IGSF6: variants seen among roughly 807,000 people sequenced by gnomAD.
The protein encoded by IGSF6 is immunoglobulin superfamily member 6, also known as down-regulated by activation (immunoglobulin superfamily).
IGSF6 carries 23 observed loss-of-function variants against 24.7 expected under a neutral mutation model. The ratio of observed to expected loss-of-function variants is 0.93; its 90% confidence interval spans 0.67 to 1.32. The LOEUF is 1.32. IGSF6 is among the 40% of genes most tolerant of loss of function. The pLI, the probability that IGSF6 is intolerant of heterozygous loss-of-function variation, is 0.00. For synonymous variants in IGSF6, 110 were observed against 113.7 expected (o/e 0.97, Z 0.21); for missense variants, 295 against 293.6 (o/e 1.00, Z -0.04).
rs767963050 is a variant in IGSF6, at chr16:21,647,393, G to A, written c.167C>T (p.Thr56Ile). The change falls in exon 2 of 6, where the codon ACC (threonine) becomes ATC (isoleucine). Residue 56 changes from threonine (T) to isoleucine (I), a missense_variant. By Grantham distance (89) the Thr-to-Ile change is moderately conservative (BLOSUM62 -1). Transcript: ENST00000268389. ...AVTIKCTFSA[T>I]GCPSEQPTCL... ...TGTTGGTTGCTCAGAAGGGCATCCGGTTGCGGAGAAGGTACACTTTATGGT... is the reference window on the plus strand; with the variant it reads ...TGTTGGTTGCTCAGAAGGGCATCCGATTGCGGAGAAGGTACACTTTATGGT... 21 of 1,614,000 alleles carry A rather than the reference G, an allele frequency of 1.3e-5. No homozygotes were observed. The highest frequency in any genetic ancestry group is 1.7e-5 in the Non-Finnish European group (20 of 1,180,028).
At position 21,643,171 on chromosome 16, in the gene IGSF6, GA is replaced by G. The variant is rs760770473; in HGVS notation, c.586-18del. On this transcript the variant is annotated intron_variant, in intron 4 of 5. Coordinates refer to ENST00000268389, the MANE Select transcript of IGSF6 (RefSeq NM_005849.4). Reference sequence around the variant, plus strand: ...ACTCTTCTTCTATAAAGACAAATGAGAAAAAAAAATTCTCTTTTGGGAATAT... The same window carrying G: ...ACTCTTCTTCTATAAAGACAAATGAGAAAAAAAATTCTCTTTTGGGAATAT... 79 of 1,563,608 alleles carry G rather than the reference GA, an allele frequency of 5.1e-5. No individual in the cohort carries two copies. The highest frequency in any genetic ancestry group is 1.7e-4 in the Middle Eastern group (1 of 5,960).
rs1966239839 is a variant in IGSF6, at chr16:21,640,769, A to G, written c.*765T>C. 6.7e-6 allele frequency: 1 copy of G among 149,526 alleles called. No individual in the cohort carries two copies. The highest frequency in any genetic ancestry group is 6.7e-5 in the Admixed American group (1 of 15,026). 9.3% of individuals were successfully genotyped at this position (149,526 alleles called of 1,614,324 possible). A position where few individuals can be genotyped will look rare whatever the true frequency, so the allele number is the denominator to read the frequency against. ...GCAACAGAACGAGACTCTGTCTCAAAAAAAAAAAAAAAAGAAAAGAAAAAA... is the reference window on the plus strand; with the variant it reads ...GCAACAGAACGAGACTCTGTCTCAAGAAAAAAAAAAAAAGAAAAGAAAAAA... On this transcript the variant is annotated 3_prime_UTR_variant, in exon 6 of 6. Transcript: ENST00000268389.
At chr16:21,645,842 A>C (rs898340356) in intron 2 of IGSF6, among the ~76,000 whole-genome samples, 1 of 152,260 alleles carries the variant, frequency 6.6e-6, no homozygotes, top group Non-Finnish European at 1.5e-5. Flanking sequence ...ACTATTAAAA[A>C]TGCTTTAAGT....
In IGSF6 at chr16:21,642,134, CA is replaced by C. The variant is rs759756217; in HGVS notation, c.667-542del. On this transcript the variant is annotated intron_variant, in intron 5 of 5. Transcript: ENST00000268389. The stretch of plus-strand genomic sequence containing the variant: ...ATGGCCCCTGGGCAAGGATGACACA[CA>C]AGTTCGTGAAGCGTTCCATATTTTT... 6.6e-5 allele frequency: 10 copies of C among 152,260 alleles called. No individual in the cohort carries two copies. In the South Asian group the frequency reaches 1.0e-3, roughly 16 times the overall value. The allele number at this position is 152,260 out of a possible 1,614,324, so 9.4% of individuals were successfully genotyped here.
rs1316134222 is a variant in IGSF6 at position 21,652,399 on chromosome 16, TA to T, written c.67+132del. On this transcript the variant is annotated intron_variant, in intron 1 of 5. Transcript: ENST00000268389. ...TATTTCTCAGGGGAAAAAGGAAACT[TA>T]TCCTCTTAGGCAGTTTTCATAATGT... 4 of 583,326 alleles carry T rather than the reference TA, an allele frequency of 6.9e-6. No homozygotes were observed. The African/African-American group carries it at 7.7e-5, about 11-fold the overall frequency. 36.1% of individuals were successfully genotyped at this position (583,326 alleles called of 1,614,324 possible).
Position 21,652,428 on chromosome 16 carries a change from T to C in IGSF6, c.67+104A>G, listed in dbSNP as rs1001735121. On this transcript the variant is annotated intron_variant, in intron 1 of 5. Coordinates refer to ENST00000268389, the MANE Select transcript of IGSF6 (RefSeq NM_005849.4). ...CTCTTAGGCAGTTTTCATAATGTTATACATTTAAAAATTAATCTGAAGGAG... is the reference window on the plus strand; with the variant it reads ...CTCTTAGGCAGTTTTCATAATGTTACACATTTAAAAATTAATCTGAAGGAG... The C allele has an allele frequency of 8.2e-6, 7 of 849,006 alleles. No individual in the cohort carries two copies. In the African/African-American group the frequency reaches 1.0e-4, roughly 13 times the overall value. The allele number at this position is 849,006 out of a possible 1,614,324, so 52.6% of individuals were successfully genotyped here. A position where few individuals can be genotyped will look rare whatever the true frequency, so the allele number is the denominator to read the frequency against.
chr16:21,648,311 C>T (rs1966481160), intron 1 of IGSF6, among the ~76,000 whole-genome samples: 1 of 152,320 alleles, frequency 6.6e-6, no homozygotes, highest in South Asian at 2.1e-4. Flanking sequence ...CTCAGTATCT[C>T]AGTTTCCTCA....
At chr16:21,645,601 T>C (rs887455177) in intron 2 of IGSF6, among the ~76,000 whole-genome samples, 1 of 152,248 alleles carries the variant, frequency 6.6e-6, no homozygotes, top group Non-Finnish European at 1.5e-5. Context: ...AGGAGTTCTG[T>C]AGAAGAGACA....
intron 1 of IGSF6, among the ~76,000 whole-genome samples, chr16:21,650,545 G>A (rs1023268430): frequency 4.6e-5 from 7 of 151,578 alleles, no homozygotes; most frequent in African/African-American, 1.5e-4. Context: ...TTGGGGTGGC[G>A]GGGATAGCTG....
chr16:21,644,459 G>T lies in IGSF6; in HGVS notation c.428-63C>A. ...AAAGCCTATTCTTTCAAATACATGT[G>T]TAAAGTATCCTTCACACTGCGTTTT... On this transcript the variant is annotated intron_variant, in intron 2 of 5. Coordinates refer to ENST00000268389, the MANE Select transcript of IGSF6 (RefSeq NM_005849.4). 4 of 1,175,216 alleles carry T rather than the reference G, an allele frequency of 3.4e-6. 1 individual carries two copies. The East Asian group carries it at 9.5e-5, about 28-fold the overall frequency. 72.8% of individuals were successfully genotyped at this position (1,175,216 alleles called of 1,614,324 possible).
chr16:21,642,244 G>A (rs768263513), intron 5 of IGSF6: 9 of 151,944 alleles, frequency 5.9e-5, no homozygotes, highest in Non-Finnish European at 1.0e-4. Context: ...CCTCTTGGCT[G>A]CTGTTTAAGA....
chr16:21,648,548 T>C (rs1966486422), intron 1 of IGSF6, among the ~76,000 whole-genome samples: 1 of 152,184 alleles, frequency 6.6e-6, no homozygotes, highest in African/African-American at 2.4e-5. Context: ...AGTCACCCAC[T>C]CCAGTGTACT....
At position 21,639,862 on chromosome 16, in the gene IGSF6, T is replaced by G. The variant is rs1450862749; in HGVS notation, c.*1672A>C. 1 of 152,186 alleles carries G rather than the reference T, an allele frequency of 6.6e-6. No homozygotes were observed. Among genetic ancestry groups the G allele is most frequent in the Non-Finnish European group, 1.5e-5 (1 of 68,036 alleles). The allele number at this position is 152,186 out of a possible 1,614,324, so 9.4% of individuals were successfully genotyped here. On this transcript the variant is annotated 3_prime_UTR_variant, in exon 6 of 6. Coordinates refer to ENST00000268389, the MANE Select transcript of IGSF6 (RefSeq NM_005849.4). ...ACTTTCAAAGGAATCTTAAAATATT[T>G]AACAATTCTAAGTTTTATAAAGAAT...
intron 2 of IGSF6, among the ~76,000 whole-genome samples, chr16:21,645,626 C>T (rs1341745839): frequency 6.6e-6 from 1 of 152,204 alleles, no homozygotes; most frequent in Non-Finnish European, 1.5e-5. Flanking sequence ...GTTGCCATGT[C>T]TGCCTTAACA....
At chr16:21,644,268 C>T in intron 3 of IGSF6, 22 bp downstream of exon 3, 1 of 1,482,922 alleles carries the variant, frequency 6.7e-7, no homozygotes, top group Non-Finnish European at 9.4e-7. Flanking sequence ...AGGGACATTC[C>T]ATGCAAGAGG....
chr16:21,647,251 G>A lies in IGSF6; in HGVS notation c.309C>T (p.Leu103=), dbSNP rs1245998686. The stretch of plus-strand genomic sequence containing the variant: ...CATTTGAAGTCACTCTGTTTACAGT[G>A]AGGGAAACTTGGTTTTCTTTGAGGG... ...REALKENQVS[L]TVNRVTSNDS... is the part of the protein sequence containing the mutation. Residue 103 remains leucine (L), a synonymous_variant, in exon 2 of 6, where the codon CTC becomes CTT. Coordinates refer to ENST00000268389, the MANE Select transcript of IGSF6 (RefSeq NM_005849.4). The A allele has an allele frequency of 6.2e-7, 1 of 1,614,060 alleles. No homozygotes were observed. Among genetic ancestry groups the A allele is most frequent in the Admixed American group, 1.7e-5 (1 of 59,998 alleles).
chr16:21,646,825 T>G, intron 2 of IGSF6: 1 of 364,890 alleles, frequency 2.7e-6, no homozygotes, highest in Non-Finnish European at 5.3e-6. Flanking sequence ...GCGGCTAATT[T>G]TTGTATTTTG....
At chr16:21,652,364 T>C in intron 1 of IGSF6, 168 bp downstream of exon 1, 1 of 493,066 alleles carries the variant, frequency 2.0e-6, no homozygotes, top group Non-Finnish European at 3.5e-6. Flanking sequence ...TCAGCTATTT[T>C]TTTATTGTCT....
intron 3 of IGSF6, 89 bp from the exon 4 acceptor site, chr16:21,643,687 AACTT>A: frequency 1.2e-6 from 1 of 820,026 alleles, no homozygotes; most frequent in Admixed American, 2.6e-5. Context: ...AGATTAAACT[AACTT>A]AATATTTAAG....
Sources: gnomAD v4.1 joint callset for allele counts (sites outside exome capture counted in the v4.1 genomes callset) on GRCh38, gnomAD v4.1.1 for gene constraint, MANE v1.5 for transcripts, NCBI Gene and HGNC (gene_info 2026-07-23, HGNC 2026-07-21) for gene names.